TMTC1: variants seen among roughly 807,000 people sequenced by gnomAD.
TMTC1 encodes transmembrane O-mannosyltransferase targeting cadherins 1, also known as protein O-mannosyl-transferase TMTC1.
A neutral mutation model predicts 104.8 loss-of-function variants in TMTC1; 73 were observed. The observed-to-expected ratio is 0.70, with a 90% confidence interval of 0.58 to 0.85. The LOEUF (loss-of-function observed/expected upper bound fraction) is 0.85. TMTC1 is among the 40% of genes least tolerant of loss of function. TMTC1 has a pLI of 0.00. For synonymous variants in TMTC1, 434 were observed against 428.7 expected (o/e 1.01, Z -0.15); for missense variants, 1,035 against 1,096.1 (o/e 0.94, Z 0.79).
chr12:29,514,347 TA>T (rs900363771), intron 16 of TMTC1, 134 bp downstream of exon 16: 31 of 864,640 alleles, frequency 3.6e-5, no homozygotes, highest in Non-Finnish European at 3.9e-5. Context: ...GTCAATTAGT[TA>T]AAAAAAACTC....
rs1943516255 is a variant in TMTC1, at chr12:29,768,144, G to A, written c.303-69C>T. ...ACTCAACATAAACACAAGGAACACAGACGGAATCCATCATTTAAAAAGATA... is the reference window on the plus strand; with the variant it reads ...ACTCAACATAAACACAAGGAACACAAACGGAATCCATCATTTAAAAAGATA... On this transcript the variant is annotated intron_variant, in intron 1 of 17. Transcript: ENST00000539277. The A allele has an allele frequency of 3.8e-6, 4 of 1,057,184 alleles. No homozygotes were observed. In the African/African-American group the frequency reaches 4.8e-5, roughly 13 times the overall value. The allele number at this position is 1,057,184 out of a possible 1,614,324, so 65.5% of individuals were successfully genotyped here. A position where few individuals can be genotyped will look rare whatever the true frequency, so the allele number is the denominator to read the frequency against.
At chr12:29,568,383 A>G (rs1945576052) in intron 9 of TMTC1, among the ~76,000 whole-genome samples, 2 of 152,236 alleles carry the variant, frequency 1.3e-5, no homozygotes, top group South Asian at 4.1e-4. Flanking sequence ...GTTGAATTAG[A>G]TGTGAGTGAA....
At chr12:29,670,934 CA>C (rs374719241) in intron 5 of TMTC1, among the ~76,000 whole-genome samples, 2 of 68,548 alleles carry the variant, frequency 2.9e-5, no homozygotes, top group Admixed American at 3.0e-4. Flanking sequence ...GACTCTGTCT[CA>C]AAAAAAAAGA....
At chr12:29,759,128 G>C (rs1198022526) in intron 2 of TMTC1, among the ~76,000 whole-genome samples, 2 of 152,180 alleles carry the variant, frequency 1.3e-5, no homozygotes, top group African/African-American at 4.8e-5. Context: ...GTGTCCTTCT[G>C]TGTACCATGC....
chr12:29,654,659 T>C (rs1939671072), intron 5 of TMTC1, among the ~76,000 whole-genome samples: 1 of 152,008 alleles, frequency 6.6e-6, no homozygotes, highest in South Asian at 2.1e-4. Flanking sequence ...TATGTGAATG[T>C]TCATAGCACC....
At chr12:29,779,480 A>T (rs1233655877) in intron 1 of TMTC1, among the ~76,000 whole-genome samples, 1 of 152,210 alleles carries the variant, frequency 6.6e-6, no homozygotes, top group South Asian at 2.1e-4. Flanking sequence ...TTCAAATTTT[A>T]GTTCATTTCT....
At chr12:29,744,901 T>A (rs1942912161) in intron 5 of TMTC1, among the ~76,000 whole-genome samples, 1 of 152,168 alleles carries the variant, frequency 6.6e-6, no homozygotes, top group Non-Finnish European at 1.5e-5. Flanking sequence ...CAAAGTTTAT[T>A]TTTGAAAATA....
At chr12:29,695,815 ATATATATATATAT>A (rs1565775648) in intron 5 of TMTC1, among the ~76,000 whole-genome samples, 7 of 109,590 alleles carry the variant, frequency 6.4e-5, no homozygotes, top group Non-Finnish European at 8.9e-5. Flanking sequence ...ATATATATAT[ATATATATATATAT>A]AACCTGTCTT....
chr12:29,774,678 C>T (rs1361365081), intron 1 of TMTC1, among the ~76,000 whole-genome samples: 2 of 152,194 alleles, frequency 1.3e-5, no homozygotes, highest in Non-Finnish European at 2.9e-5. Flanking sequence ...TTAGATCATT[C>T]AACCAATAAA....
chr12:29,726,482 C>T (rs535253669), intron 5 of TMTC1, among the ~76,000 whole-genome samples: 7 of 151,840 alleles, frequency 4.6e-5, no homozygotes, highest in East Asian at 1.9e-4. Flanking sequence ...TTTCAATCTA[C>T]GTCTGATTCT....
chr12:29,637,507 T>G (rs542353832), intron 5 of TMTC1, among the ~76,000 whole-genome samples: 2 of 152,170 alleles, frequency 1.3e-5, no homozygotes, highest in Non-Finnish European at 2.9e-5. Context: ...AATTTAGTCA[T>G]GCATTTTCAT....
chr12:29,679,263 T>A (rs1940833288), intron 5 of TMTC1, among the ~76,000 whole-genome samples: 1 of 150,992 alleles, frequency 6.6e-6, no homozygotes, highest in African/African-American at 2.5e-5. Context: ...TAGTGAGCTA[T>A]GCAGCAAAAC....
chr12:29,661,574 G>GCCACCA (rs879438092), intron 5 of TMTC1, among the ~76,000 whole-genome samples: 1 of 149,138 alleles, frequency 6.7e-6, no homozygotes, highest in Admixed American at 6.7e-5. Context: ...GGTACTTTTT[G>GCCACCA]TATTTTTAGT....
chr12:29,693,300 G>C lies in TMTC1; in HGVS notation c.938+58366C>G, dbSNP rs1941318990. 1.4e-5 allele frequency among the ~76,000 whole-genome samples: 2 copies of C among 144,722 alleles called. 1 individual carries two copies. The allele number at this position is 144,722 out of a possible 152,430, so 94.9% of individuals were successfully genotyped here. A position where few individuals can be genotyped will look rare whatever the true frequency, so the allele number is the denominator to read the frequency against. On this transcript the variant is annotated intron_variant, in intron 5 of 17. Coordinates refer to ENST00000539277, the MANE Select transcript of TMTC1 (RefSeq NM_001193451.2). Reference sequence around the variant, plus strand: ...AGAGGGATATTTAAATACATACAATGTGTGCTGATCAAATCAGGATAATTA... The same window carrying C: ...AGAGGGATATTTAAATACATACAATCTGTGCTGATCAAATCAGGATAATTA...
rs149627118 is a variant in TMTC1, at chr12:29,745,694, A to G, written c.938+5972T>C. On this transcript the variant is annotated intron_variant, in intron 5 of 17. Coordinates refer to ENST00000539277, the MANE Select transcript of TMTC1 (RefSeq NM_001193451.2). Reference sequence around the variant, plus strand: ...GCAATGCATATGGATAAAGATTAGGAAAGATATAATTTGGGTACTGTGTCT... The same window carrying G: ...GCAATGCATATGGATAAAGATTAGGGAAGATATAATTTGGGTACTGTGTCT... Among the ~76,000 whole-genome samples, 501 of 151,824 alleles carry G rather than the reference A, an allele frequency of 3.3e-3. 2 individuals are homozygous for G. The highest frequency in any genetic ancestry group is 0.012 in the African/African-American group (481 of 41,454).
intron 7 of TMTC1, among the ~76,000 whole-genome samples, chr12:29,596,714 G>A (rs73073407): frequency 3.9e-5 from 6 of 152,266 alleles, no homozygotes; most frequent in Non-Finnish European, 5.9e-5. Context: ...ACAAGCCTAC[G>A]TTGCTTTTCC....
At chr12:29,519,200 A>G (rs1224981988) in intron 12 of TMTC1, 1 of 152,118 alleles carries the variant, frequency 6.6e-6, no homozygotes, top group East Asian at 1.9e-4. Flanking sequence ...AATGCATTAT[A>G]TATTTTTAAA....
intron 5 of TMTC1, among the ~76,000 whole-genome samples, chr12:29,639,366 T>C (rs181104927): frequency 1.3e-5 from 2 of 152,272 alleles, no homozygotes; most frequent in East Asian, 3.9e-4. Flanking sequence ...CCAAGAGTAA[T>C]AGCTTCAAAT....
At chr12:29,517,613 G>A (rs972397588) in intron 13 of TMTC1, 42 bp from the exon 14 acceptor site, 3 of 1,611,574 alleles carry the variant, frequency 1.9e-6, no homozygotes, top group Admixed American at 1.7e-5. Flanking sequence ...TCTTCTAATA[G>A]GTACATTTCC....
Sources: gnomAD v4.1 joint callset for allele counts (sites outside exome capture counted in the v4.1 genomes callset) on GRCh38, gnomAD v4.1.1 for gene constraint, MANE v1.5 for transcripts, NCBI Gene and HGNC (gene_info 2026-07-23, HGNC 2026-07-21) for gene names.